ALG14: variants seen among roughly 807,000 people sequenced by gnomAD.
ALG14 encodes the protein ALG14 UDP-N-acetylglucosaminyltransferase subunit.
In ALG14, 17 loss-of-function variants were observed where a neutral mutation model predicts 22.8. The observed-to-expected ratio is 0.75, with a 90% CI of 0.51 to 1.12. The LOEUF is 1.12. ALG14 is among the 50% of genes most tolerant of loss of function. The pLI, the probability that ALG14 is intolerant of heterozygous loss-of-function variation, is 0.00. For synonymous variants in ALG14, 89 were observed against 103.7 expected, an observed-to-expected ratio of 0.86 and a Z score of 0.86; for missense variants, 288 against 271.8, an observed-to-expected ratio of 1.06 and a Z score of -0.42.
At chr1:94,984,434 G>C (rs913921407) in intron 3 of ALG14, among the ~76,000 whole-genome samples, 6 of 152,180 alleles carry the variant, frequency 3.9e-5, no homozygotes, top group African/African-American at 1.4e-4. Flanking sequence ...CAGGGCTGTA[G>C]GGTTTGAAAA....
intron 3 of ALG14, among the ~76,000 whole-genome samples, chr1:95,005,560 G>A (rs540816458): frequency 2.6e-5 from 4 of 152,322 alleles, no homozygotes; most frequent in Non-Finnish European, 5.9e-5. Context: ...TGGTATCTTA[G>A]TTCAATTTGG....
chr1:95,044,182 T>C (rs1461963549), intron 2 of ALG14, among the ~76,000 whole-genome samples: 1 of 152,172 alleles, frequency 6.6e-6, no homozygotes, highest in Non-Finnish European at 1.5e-5. Flanking sequence ...TATTTTCCCT[T>C]ACTCCTGGCC....
intron 1 of ALG14, among the ~76,000 whole-genome samples, chr1:95,069,705 G>T (rs1003665994): frequency 6.6e-6 from 1 of 152,096 alleles, no homozygotes; most frequent in African/African-American, 2.4e-5. Flanking sequence ...GGCCTTAGAA[G>T]CAAAAATTTT....
chr1:95,048,176 T>G (rs797009239), intron 2 of ALG14, among the ~76,000 whole-genome samples: 1 of 152,304 alleles, frequency 6.6e-6, no homozygotes, highest in African/African-American at 2.4e-5. Flanking sequence ...AGCAAATAAA[T>G]AATGTTTATT....
intron 2 of ALG14, among the ~76,000 whole-genome samples, chr1:95,063,688 T>G (rs777365341): frequency 6.6e-6 from 1 of 152,200 alleles, no homozygotes; most frequent in South Asian, 2.1e-4. Flanking sequence ...ACTGTAGCCT[T>G]GTAGTATAGT....
chr1:95,042,393 T>C (rs548624090), intron 2 of ALG14, among the ~76,000 whole-genome samples: 1 of 152,310 alleles, frequency 6.6e-6, no homozygotes, highest in East Asian at 1.9e-4. Flanking sequence ...TTATTTATCA[T>C]TCCTGTTACT....
At chr1:95,026,919 T>TA (rs1673836860) in intron 3 of ALG14, among the ~76,000 whole-genome samples, 1 of 152,180 alleles carries the variant, frequency 6.6e-6, no homozygotes, top group Non-Finnish European at 1.5e-5. Flanking sequence ...TGAGATACGA[T>TA]AAACTGGGTG....
At chr1:94,994,747 G>T (rs761204959) in intron 3 of ALG14, among the ~76,000 whole-genome samples, 1 of 152,136 alleles carries the variant, frequency 6.6e-6, no homozygotes, top group Non-Finnish European at 1.5e-5. Context: ...GTTAGAAGTG[G>T]GCTTAAGGCA....
intron 3 of ALG14, among the ~76,000 whole-genome samples, chr1:95,022,827 A>G (rs1339739903): frequency 6.6e-6 from 1 of 152,204 alleles, no homozygotes; most frequent in African/African-American, 2.4e-5. Flanking sequence ...CATGTTATAA[A>G]GTTTTTTGAT....
intron 3 of ALG14, among the ~76,000 whole-genome samples, chr1:94,996,980 G>C (rs952103040): frequency 2.0e-5 from 3 of 152,196 alleles, no homozygotes; most frequent in African/African-American, 7.2e-5. Context: ...ACCGCACCCA[G>C]CTGTTAACAT....
Position 95,027,213 on chromosome 1 carries a change from C to A in ALG14, c.336G>T (p.Gln112His). 1.9e-6 allele frequency: 3 copies of A among 1,614,172 alleles called. No individual in the cohort carries two copies. The highest frequency in any genetic ancestry group is 2.5e-6 in the Non-Finnish European group (3 of 1,180,018). Residue 112 changes from glutamine (Q) to histidine (H), a missense_variant, in exon 3 of 4, where the codon CAG (glutamine) becomes CAT (histidine). Physicochemically the swap from Gln to His is conservative, Grantham distance 24. Coordinates refer to ENST00000370205, the MANE Select transcript of ALG14 (RefSeq NM_144988.4). ...IHRIPRSREV[Q>H]QSWPSTVFTT... ...TGAAAACGGTGGAGGGCCAGGACTG[C>A]TGAACCTCCCGGCTTCTTGGAATTC...
chr1:94,988,675 AAAGGGTAAGTTCTTTC>A lies in ALG14; in HGVS notation c.421-5385_421-5370del, dbSNP rs1252929737. On this transcript the variant is annotated intron_variant, in intron 3 of 3. Transcript: ENST00000370205. ...GTGAAGGAGGAAATGACCACATAGA[AAAGGGTAAGTTCTTTC>A]AATACCAGGAGAAAATAGTAAGTAT... Among the ~76,000 whole-genome samples the A allele has an allele frequency of 2.0e-5, 3 of 152,356 alleles. No homozygotes were observed. In the East Asian group the frequency reaches 5.8e-4, roughly 29 times the overall value.
rs535063184 is a variant in ALG14, at chr1:95,039,168, T to C, written c.289-11908A>G. 1.8e-4 allele frequency among the ~76,000 whole-genome samples: 28 copies of C among 152,296 alleles called. No individual in the cohort carries two copies. The South Asian group carries it at 4.6e-3, about 25-fold the overall frequency. On this transcript the variant is annotated intron_variant, in intron 2 of 3. Transcript: ENST00000370205. ...CCAGAGGAAGCAGCGTGTTCAGAGC[T>C]GAGAGACATGAAATAGCATGGAATA...
In ALG14 at chr1:95,059,418, A is replaced by C. The variant is rs900479999; in HGVS notation, c.288+5448T>G. On this transcript the variant is annotated intron_variant, in intron 2 of 3. Coordinates refer to ENST00000370205, the MANE Select transcript of ALG14 (RefSeq NM_144988.4). ...GTCTCAAAAAAAAAAAAAAAAAAAA[A>C]AACATATTATTCTTGTTTATTTGGA... 6.0e-5 allele frequency among the ~76,000 whole-genome samples: 9 copies of C among 149,088 alleles called. 1 individual carries two copies. The East Asian group carries it at 1.2e-3, about 20-fold the overall frequency.
intron 2 of ALG14, among the ~76,000 whole-genome samples, chr1:95,034,802 T>A (rs1385360482): frequency 6.6e-6 from 1 of 152,090 alleles, no homozygotes; most frequent in South Asian, 2.1e-4. Context: ...TCCTGATCCA[T>A]TTCCTTTTTC....
chr1:94,995,509 T>C (rs1672887137), intron 3 of ALG14, among the ~76,000 whole-genome samples: 1 of 152,182 alleles, frequency 6.6e-6, no homozygotes, highest in African/African-American at 2.4e-5. Flanking sequence ...GGTCAGGGGT[T>C]TGAGACCAGC....
intron 2 of ALG14, among the ~76,000 whole-genome samples, chr1:95,037,686 G>A (rs1057271718): frequency 2.0e-5 from 3 of 152,138 alleles, no homozygotes; most frequent in South Asian, 2.1e-4. Context: ...AATTTTAAGC[G>A]TAGGTTTATG....
intron 3 of ALG14, among the ~76,000 whole-genome samples, chr1:95,023,905 A>G (rs1673735160): frequency 6.6e-6 from 1 of 152,170 alleles, no homozygotes; most frequent in Non-Finnish European, 1.5e-5. Flanking sequence ...TTTATTTTTA[A>G]GTCATTCCTC....
In ALG14 at chr1:94,979,310, A is replaced by AAAAAAAAAAAAAAAAG. The variant is rs1553222994; in HGVS notation, c.*3765_*3766insCTTTTTTTTTTTTTTT. 1 of 89,866 alleles carries AAAAAAAAAAAAAAAAG rather than the reference A, an allele frequency of 1.1e-5. No individual in the cohort carries two copies. The highest frequency in any genetic ancestry group is 2.0e-5 in the Non-Finnish European group (1 of 49,318). The allele number at this position is 89,866 out of a possible 1,614,324, so 5.6% of individuals were successfully genotyped here. A position where few individuals can be genotyped will look rare whatever the true frequency, so the allele number is the denominator to read the frequency against. On this transcript the variant is annotated 3_prime_UTR_variant, in exon 4 of 4. Transcript: ENST00000370205. ...GTCTCGAAAAAAAAAAAAAAAAAAAAAAAAGAAAGAAAAAAGTGAAACAAG... is the reference window on the plus strand; with the variant it reads ...GTCTCGAAAAAAAAAAAAAAAAAAAAAAAAAAAAAAAAAAAGAAAAGAAAGAAAAAAGTGAAACAAG...
Sources: gnomAD v4.1 joint callset for allele counts (sites outside exome capture counted in the v4.1 genomes callset) on GRCh38, gnomAD v4.1.1 for gene constraint, MANE v1.5 for transcripts, NCBI Gene and HGNC (gene_info 2026-07-23, HGNC 2026-07-21) for gene names.